BMAL1: variants seen among roughly 807,000 people sequenced by gnomAD.
BMAL1 encodes the protein basic helix-loop-helix ARNT-like protein 1.
the BMAL1 span, among the ~76,000 whole-genome samples, chr11:13,331,929 GT>G: frequency 1.3e-5 from 2 of 152,118 alleles, no homozygotes; most frequent in South Asian, 4.2e-4. Context: ...AAGGCCAGCG[GT>G]TTTAGAGGAT....
chr11:13,377,191 C>T, the BMAL1 span, among the ~76,000 whole-genome samples: 2 of 152,184 alleles, frequency 1.3e-5, no homozygotes, highest in Non-Finnish European at 2.9e-5. Context: ...CTGGGACCAT[C>T]CCCACATGCA....
At chr11:13,370,302 T>C in the BMAL1 span, among the ~76,000 whole-genome samples, 4 of 152,166 alleles carry the variant, frequency 2.6e-5, no homozygotes, top group African/African-American at 7.2e-5. Context: ...CTGTTGGTCA[T>C]GTCATCTACT....
At chr11:13,381,089 C>A in the BMAL1 span, 8 of 1,492,470 alleles carry the variant, frequency 5.4e-6, no homozygotes, top group South Asian at 7.9e-5. Context: ...CCCTTTCTCA[C>A]CTTTACCCCT....
At chr11:13,299,384 T>C in the BMAL1 span, among the ~76,000 whole-genome samples, 5 of 152,190 alleles carry the variant, frequency 3.3e-5, no homozygotes, top group African/African-American at 1.2e-4. Flanking sequence ...TGAGCTGGCC[T>C]GTAAGGGATC....
At chr11:13,356,377 G>A in the BMAL1 span, 3 of 483,270 alleles carry the variant, frequency 6.2e-6, no homozygotes, top group East Asian at 5.6e-5. Context: ...CAGAATGATG[G>A]GGGGGGAGAA....
At chr11:13,382,873 C>G in the BMAL1 span, among the ~76,000 whole-genome samples, 2 of 152,186 alleles carry the variant, frequency 1.3e-5, no homozygotes, top group Non-Finnish European at 2.9e-5. Flanking sequence ...ATTCTTTTCA[C>G]ATCAACAACT....
chr11:13,354,210 A>AAACCC, the BMAL1 span: 2 of 273,518 alleles, frequency 7.3e-6, no homozygotes, highest in South Asian at 7.9e-5. Context: ...GCCCCCCACC[A>AAACCC]CCAAACCCCC....
chr11:13,281,557 C>T, the BMAL1 span, among the ~76,000 whole-genome samples: 1 of 152,176 alleles, frequency 6.6e-6, no homozygotes, highest in Non-Finnish European at 1.5e-5. Context: ...TCAGTCTTGC[C>T]TGGTTGGAGT....
At chr11:13,291,880 G>C in the BMAL1 span, among the ~76,000 whole-genome samples, 5 of 151,996 alleles carry the variant, frequency 3.3e-5, no homozygotes, top group Non-Finnish European at 5.9e-5. Context: ...AAATCCCAAG[G>C]CTTTAATAGA....
the BMAL1 span, chr11:13,379,699 G>A: frequency 3.3e-5 from 5 of 152,242 alleles, no homozygotes; most frequent in Non-Finnish European, 7.3e-5. Context: ...GCCTTAGCCA[G>A]GGTTTGCAAT....
chr11:13,277,468 G>C, the BMAL1 span, among the ~76,000 whole-genome samples: 1 of 152,064 alleles, frequency 6.6e-6, no homozygotes, highest in Non-Finnish European at 1.5e-5. Flanking sequence ...TCCTCTCCTC[G>C]GGGCGTGCGC....
chr11:13,357,046 T>TC, the BMAL1 span: 7 of 1,614,052 alleles, frequency 4.3e-6, no homozygotes, highest in African/African-American at 1.3e-5. This position sits in a 1 kb window ranked among gnomAD's most constrained non-coding sequence, Gnocchi z 4.8. Context: ...TGCTTTTTCC[T>TC]CCCCCCAGGT....
At chr11:13,374,314 T>C in the BMAL1 span, 2 of 940,670 alleles carry the variant, frequency 2.1e-6, no homozygotes, top group African/African-American at 3.3e-5. Context: ...TCAGCCAGCC[T>C]AGGACTCTTC....
At chr11:13,355,385 A>C in the BMAL1 span, 3 of 1,245,340 alleles carry the variant, frequency 2.4e-6, no homozygotes, top group African/African-American at 4.4e-5. Context: ...CATAGCAGTA[A>C]CTCCCCAGCA....
At chr11:13,376,798 A>AT in the BMAL1 span, 4 of 1,430,732 alleles carry the variant, frequency 2.8e-6, no homozygotes, top group East Asian at 9.2e-5. Flanking sequence ...ATCCTCCCCT[A>AT]AAGTATTCAG....
the BMAL1 span, among the ~76,000 whole-genome samples, chr11:13,382,508 G>A: frequency 1.5e-4 from 17 of 114,106 alleles, no homozygotes; most frequent in African/African-American, 5.5e-4. Context: ...CGTGACCCCC[G>A]CCCCCCTGCC....
At chr11:13,379,391 A>G in the BMAL1 span, 1 of 152,152 alleles carries the variant, frequency 6.6e-6, no homozygotes, top group Non-Finnish European at 1.5e-5. Flanking sequence ...AATTGGCCAT[A>G]AAGGGGCTGT....
the BMAL1 span, among the ~76,000 whole-genome samples, chr11:13,282,393 AGTG>A: frequency 6.6e-6 from 1 of 152,356 alleles, no homozygotes; most frequent in African/African-American, 2.4e-5. Flanking sequence ...GCAAACACTC[AGTG>A]AATGTTGCTG....
At chr11:13,286,628 A>G in the BMAL1 span, among the ~76,000 whole-genome samples, 9 of 152,188 alleles carry the variant, frequency 5.9e-5, no homozygotes, top group African/African-American at 2.2e-4. Context: ...GAGGAACTCA[A>G]GCAGTTCCCC....
Sources: allele counts gnomAD v4.1 joint callset (sites outside exome capture counted in the v4.1 genomes callset), GRCh38; gene constraint gnomAD v4.1.1; non-coding constraint Gnocchi (gnomAD v3.1); transcripts MANE v1.5; gene names NCBI Gene and HGNC (gene_info 2026-07-23, HGNC 2026-07-21).